The following CCNJL variants were observed in gnomAD, a reference collection of about 807,000 sequenced individuals.
The protein encoded by CCNJL is cyclin J like.
Under a neutral mutation model 33.4 loss-of-function variants are expected in CCNJL, and 33 were observed. The ratio of observed to expected loss-of-function variants is 0.99; its 90% CI spans 0.75 to 1.32. The LOEUF (loss-of-function observed/expected upper bound fraction) is 1.32, where lower values mean the gene tolerates loss of function less well. CCNJL is among the 40% of genes most tolerant of loss of function. The pLI, the probability that CCNJL is intolerant of heterozygous loss-of-function variation, is 0.00. For missense variants in CCNJL, 512 were observed against 499.7 expected (o/e 1.02, Z -0.23); for synonymous variants, 227 against 220.9 (o/e 1.03, Z -0.24).
chr5:160,280,930 C>T, intron 2 of CCNJL, 192 bp from the exon 3 acceptor site: 1 of 691,080 alleles, frequency 1.4e-6, no homozygotes, highest in East Asian at 2.7e-5. Context: ...TAAGCACAGG[C>T]TCATAAAGTA....
chr5:160,259,987 G>A (rs1004096705), intron 3 of CCNJL, among the ~76,000 whole-genome samples: 2 of 152,242 alleles, frequency 1.3e-5, no homozygotes, highest in Non-Finnish European at 2.9e-5. Context: ...ATGGCTAGGT[G>A]TCTCAACCTC....
At chr5:160,336,021 C>G (rs1308877354) in intron 1 of CCNJL, among the ~76,000 whole-genome samples, 1 of 152,204 alleles carries the variant, frequency 6.6e-6, no homozygotes, top group Non-Finnish European at 1.5e-5. Context: ...AGGACTCAGT[C>G]TTCAGACTCT....
At chr5:160,325,314 G>A (rs1457664829) in intron 1 of CCNJL, among the ~76,000 whole-genome samples, 2 of 152,156 alleles carry the variant, frequency 1.3e-5, no homozygotes, top group African/African-American at 4.8e-5. Context: ...GCAGTTTTGA[G>A]CAGTCCATAA....
At chr5:160,323,232 C>T (rs1196763911) in intron 1 of CCNJL, among the ~76,000 whole-genome samples, 6 of 138,144 alleles carry the variant, frequency 4.3e-5, no homozygotes, top group African/African-American at 1.6e-4. Flanking sequence ...GAGACTCCAA[C>T]TCAAAAAAAA....
chr5:160,274,216 T>C (rs1761933735), intron 3 of CCNJL, among the ~76,000 whole-genome samples: 1 of 151,928 alleles, frequency 6.6e-6, no homozygotes, highest in Non-Finnish European at 1.5e-5. Flanking sequence ...CCCAGCACTT[T>C]GGGAGGCCGA....
chr5:160,255,444 C>G (rs1761016812), intron 5 of CCNJL, 105 bp downstream of exon 5: 18 of 1,030,212 alleles, frequency 1.7e-5, no homozygotes, highest in Non-Finnish European at 5.8e-6. Flanking sequence ...CTGGAAGAAC[C>G]ACCACAAGTT....
intron 1 of CCNJL, among the ~76,000 whole-genome samples, chr5:160,326,196 G>A (rs1205991406): frequency 6.6e-6 from 1 of 152,054 alleles, no homozygotes; most frequent in Non-Finnish European, 1.5e-5. Context: ...ATGCCGGGTG[G>A]GGTGTGGGTA....
At chr5:160,314,394 T>C (rs555306852), upstream of CCNJL, among the ~76,000 whole-genome samples, 1 of 152,324 alleles carries the variant, frequency 6.6e-6, no homozygotes, top group Admixed American at 6.5e-5. Flanking sequence ...GGCTAAATTA[T>C]TTAATAAATT....
intron 3 of CCNJL, among the ~76,000 whole-genome samples, chr5:160,279,593 G>C (rs571752628): frequency 5.9e-5 from 9 of 152,348 alleles, no homozygotes; most frequent in Admixed American, 3.9e-4. Context: ...CTCACCTGCT[G>C]AGGGCAGTGG....
At position 160,253,039 on chromosome 5, in the gene CCNJL, T is replaced by C. The variant is rs3812069; in HGVS notation, c.*339A>G. On this transcript the variant is annotated 3_prime_UTR_variant, in exon 6 of 6. Coordinates refer to ENST00000257536, the MANE Select transcript of CCNJL (RefSeq NM_001308173.3). The stretch of plus-strand genomic sequence containing the variant: ...AGTCTTTAATGCTAAAAACTGGACA[T>C]GCTTGAGATCAGTGGTCTGTGTCCA... 9,952 of 232,740 alleles carry C rather than the reference T, an allele frequency of 0.043. 331 individuals are homozygous for C. The highest frequency in any genetic ancestry group is 0.19 in the South Asian group (1,137 of 5,910). 14.4% of individuals were successfully genotyped at this position (232,740 alleles called of 1,614,324 possible).
chr5:160,256,261 A>G (rs937676667), intron 4 of CCNJL, among the ~76,000 whole-genome samples: 2 of 152,206 alleles, frequency 1.3e-5, no homozygotes, highest in Non-Finnish European at 2.9e-5. Context: ...GGGAGCAGCA[A>G]GGAGCTTGCT....
At position 160,253,404 on chromosome 5, in the gene CCNJL, A is replaced by G. The variant is rs1354811739; in HGVS notation, c.1138T>C (p.Phe380Leu). The G allele has an allele frequency of 1.0e-5, 16 of 1,593,066 alleles. No individual in the cohort carries two copies. The highest frequency in any genetic ancestry group is 1.4e-5 in the Non-Finnish European group (16 of 1,167,326). The change falls in exon 6 of 6, where the codon TTC (phenylalanine) becomes CTC (leucine). Residue 380 changes from phenylalanine to leucine, a missense_variant. By Grantham distance (22) the Phe-to-Leu change is conservative. Transcript: ENST00000257536. ...TATCTGTCAAAGCAGCCGGTGGGGA[A>G]CATGTGGCTCCCACTGAAGTAGCTG... ...GSSYFSGSHM[F>L]PTGCFDR
At chr5:160,314,373 C>T (rs549626267), upstream of CCNJL, among the ~76,000 whole-genome samples, 2 of 152,096 alleles carry the variant, frequency 1.3e-5, no homozygotes, top group Admixed American at 6.5e-5. Flanking sequence ...TTTGTTGGGA[C>T]AAGTATAAAC....
chr5:160,268,424 G>A (rs1274890317), intron 3 of CCNJL, among the ~76,000 whole-genome samples: 4 of 152,244 alleles, frequency 2.6e-5, no homozygotes, highest in African/African-American at 9.6e-5. Flanking sequence ...AGATAGAATT[G>A]TGGTGAGGGT....
intron 2 of CCNJL, among the ~76,000 whole-genome samples, chr5:160,293,288 G>A (rs1011725986): frequency 6.6e-6 from 1 of 152,168 alleles, no homozygotes; most frequent in South Asian, 2.1e-4. Context: ...GGGCGTGGTG[G>A]TGCACGCCTG....
rs748330346 is a variant in CCNJL, at chr5:160,280,621, G to A, written c.184C>T (p.Leu62=). The part of the protein sequence containing the change: ...HCQLCPAARH[L]AVYLLDHFMD... ...AAGTGGTCCAGCAGGTAGACGGCCA[G>A]GTGCCGGGCTGCAGGGCAGAGCTGG... The change falls in exon 3 of 6, where the codon CTG becomes TTG. Residue 62 remains leucine, a synonymous_variant. Coordinates refer to ENST00000257536, the MANE Select transcript of CCNJL (RefSeq NM_001308173.3). The A allele has an allele frequency of 1.9e-6, 3 of 1,613,692 alleles. No homozygotes were observed. The highest frequency in any genetic ancestry group is 1.7e-6 in the Non-Finnish European group (2 of 1,179,998).
Position 160,251,881 on chromosome 5 carries a change from C to A in CCNJL, c.*1497G>T, listed in dbSNP as rs1580934832. ...GTGTGACACGGTGGCAGAGTCTTAT[C>A]CACACCCCGTCTCTTTTCTTACTGT... is the stretch of plus-strand genomic sequence containing the variant. On this transcript the variant is annotated 3_prime_UTR_variant, in exon 6 of 6. Coordinates refer to ENST00000257536, the MANE Select transcript of CCNJL (RefSeq NM_001308173.3). 1.3e-5 allele frequency: 2 copies of A among 152,170 alleles called. No individual in the cohort carries two copies. Among genetic ancestry groups the A allele is most frequent in the East Asian group, 3.9e-4 (2 of 5,190 alleles). 9.4% of individuals were successfully genotyped at this position (152,170 alleles called of 1,614,324 possible).
intron 5 of CCNJL, chr5:160,255,045 T>G (rs1760990816): frequency 6.6e-6 from 1 of 152,348 alleles, no homozygotes; most frequent in Admixed American, 6.5e-5. Context: ...TCGGGCGCAG[T>G]GGCTCACACC....
At chr5:160,316,833 G>A (rs144558417), upstream of CCNJL, among the ~76,000 whole-genome samples, 173 of 152,292 alleles carry the variant, frequency 1.1e-3, 1 homozygote, top group East Asian at 0.014. Flanking sequence ...CATTTAGCCT[G>A]GGAATGTCCA....
Sources: gnomAD v4.1 joint callset for allele counts (sites outside exome capture counted in the v4.1 genomes callset) on GRCh38, gnomAD v4.1.1 for gene constraint, MANE v1.5 for transcripts, NCBI Gene and HGNC (gene_info 2026-07-23, HGNC 2026-07-21) for gene names.